The following RBM25 variants were observed in gnomAD, a reference collection of about 807,000 sequenced individuals.
RBM25 encodes RNA binding motif protein 25.
A neutral mutation model predicts 120.7 loss-of-function variants in RBM25; 19 were observed. The observed-to-expected ratio is 0.16, with a 90% CI of 0.11 to 0.23. RBM25 has a LOEUF of 0.23. RBM25 is among the 10% of genes least tolerant of loss of function. The pLI, the probability that RBM25 is intolerant of heterozygous loss-of-function variation, is 1.00. For missense variants in RBM25, 605 were observed against 1,041.5 expected (o/e 0.58, Z 5.77); for synonymous variants, 390 against 326.7 (o/e 1.19, Z -2.09).
chr14:73,072,584 A>G (rs1438271675), intron 2 of RBM25, among the ~76,000 whole-genome samples: 1 of 152,104 alleles, frequency 6.6e-6, no homozygotes, highest in East Asian at 1.9e-4. Context: ...TAACAAGTTC[A>G]CAGGTAATTT....
At chr14:73,112,026 C>T in intron 16 of RBM25, 126 bp from the exon 17 acceptor site, 2 of 1,060,596 alleles carry the variant, frequency 1.9e-6, no homozygotes, top group South Asian at 1.5e-5. Context: ...TATCTTGATA[C>T]ATATCTGTCT....
intron 12 of RBM25, chr14:73,107,500 C>A: frequency 4.1e-6 from 1 of 243,710 alleles, no homozygotes; most frequent in Non-Finnish European, 7.9e-6. Context: ...ACAGATAGCT[C>A]CAACTTAAAT....
intron 14 of RBM25, among the ~76,000 whole-genome samples, 174 bp downstream of exon 14, chr14:73,109,666 G>C (rs977748692): frequency 6.6e-6 from 1 of 152,172 alleles, no homozygotes; most frequent in African/African-American, 2.4e-5. Context: ...AGTGGTGGGC[G>C]CCTGTAGTCC....
At chr14:73,106,548 TTTA>T (rs1321046768) in intron 12 of RBM25, among the ~76,000 whole-genome samples, 14 of 152,290 alleles carry the variant, frequency 9.2e-5, no homozygotes, top group Non-Finnish European at 8.8e-5. Context: ...AAGTCAAGAA[TTTA>T]TTAACTTATT....
At chr14:73,072,033 C>T (rs1035558231) in intron 2 of RBM25, among the ~76,000 whole-genome samples, 3 of 151,474 alleles carry the variant, frequency 2.0e-5, no homozygotes, top group Non-Finnish European at 4.4e-5. Flanking sequence ...AGTGCAGTGG[C>T]ACGATCTCCG....
At chr14:73,111,211 T>C in intron 15 of RBM25, 56 bp downstream of exon 15, 2 of 1,397,914 alleles carry the variant, frequency 1.4e-6, no homozygotes, top group Non-Finnish European at 9.8e-7. Flanking sequence ...TGCAAATACC[T>C]GTATTGTGCT....
chr14:73,070,673 G>A (rs1895264880), intron 1 of RBM25, among the ~76,000 whole-genome samples: 1 of 152,090 alleles, frequency 6.6e-6, no homozygotes, highest in Non-Finnish European at 1.5e-5. Flanking sequence ...AATGGGCCGG[G>A]CGCGGTGGCT....
intron 1 of RBM25, among the ~76,000 whole-genome samples, chr14:73,065,722 G>A (rs1053032196): frequency 1.3e-5 from 2 of 151,398 alleles, no homozygotes; most frequent in South Asian, 2.1e-4. Flanking sequence ...CCAGCCCAGT[G>A]TTTATATTTT....
Position 73,076,502 on chromosome 14 carries a change from G to A in RBM25, c.156+134G>A, listed in dbSNP as rs1034769225. On this transcript the variant is annotated intron_variant, in intron 3 of 18. Transcript: ENST00000261973. ...GACAGAATGACAGCACCCCTGTAGA[G>A]CATATCATTTATTTGAATAAGTATC... The A allele has an allele frequency of 1.6e-5, 12 of 749,090 alleles. No homozygotes were observed. The East Asian group carries it at 1.7e-4, about 10-fold the overall frequency. The allele number at this position is 749,090 out of a possible 1,614,324, so 46.4% of individuals were successfully genotyped here.
intron 4 of RBM25, among the ~76,000 whole-genome samples, chr14:73,078,045 G>T (rs1222539627): frequency 1.3e-5 from 2 of 152,132 alleles, no homozygotes; most frequent in East Asian, 1.9e-4. Flanking sequence ...GCTCATGCCT[G>T]TAATCCCAGC....
chr14:73,102,295 G>A (rs1366323757), intron 9 of RBM25: 1 of 152,042 alleles, frequency 6.6e-6, no homozygotes, highest in Non-Finnish European at 1.5e-5. Flanking sequence ...ATCTTGTCAG[G>A]GTACAAACTT....
intron 10 of RBM25, among the ~76,000 whole-genome samples, chr14:73,105,266 C>T (rs1298295776): frequency 6.6e-6 from 1 of 151,858 alleles, no homozygotes; most frequent in Non-Finnish European, 1.5e-5. Context: ...TGCCACCATG[C>T]CTCCTGGCCT....
chr14:73,119,775 A>G lies in RBM25; in HGVS notation c.2502A>G (p.Thr834=). The G allele has an allele frequency of 6.2e-7, 1 of 1,609,474 alleles. No individual in the cohort carries two copies. The highest frequency in any genetic ancestry group is 8.5e-7 in the Non-Finnish European group (1 of 1,178,958). Reference sequence around the variant, plus strand: ...TGTGGAGATTATTGATATATGAAACAGAAGCCAAGAAAATTGGTCTTGTGA... The same window carrying G: ...TGTGGAGATTATTGATATATGAAACGGAAGCCAAGAAAATTGGTCTTGTGA... ...VKMWRLLIYE[T]EAKKIGLVK is the part of the protein sequence containing the mutation. The change falls in exon 19 of 19, where the codon ACA becomes ACG. Residue 834 remains threonine (T), a synonymous_variant. Transcript: ENST00000261973.
chr14:73,064,582 AC>A (rs1895081634), intron 1 of RBM25, among the ~76,000 whole-genome samples: 1 of 150,880 alleles, frequency 6.6e-6, no homozygotes, highest in Admixed American at 6.6e-5. Context: ...TTTAATAGAG[AC>A]GGGCTTTCAC....
chr14:73,062,921 A>G (rs1381173583), intron 1 of RBM25, among the ~76,000 whole-genome samples: 1 of 145,182 alleles, frequency 6.9e-6, no homozygotes, highest in East Asian at 2.1e-4. Flanking sequence ...CCCGGGCTCA[A>G]GCGATTCTCC....
chr14:73,117,446 G>T lies in RBM25; in HGVS notation c.2440-2267G>T, dbSNP rs1594939852. The stretch of plus-strand genomic sequence containing the variant: ...GGGTTTCACCATGTTGGCCCGGCTG[G>T]TCTCAAACTCCTGACCTCAGGTGAT... On this transcript the variant is annotated intron_variant, in intron 18 of 18. Coordinates refer to ENST00000261973, the MANE Select transcript of RBM25 (RefSeq NM_021239.3). Among the ~76,000 whole-genome samples, 3 of 151,950 alleles carry T rather than the reference G, an allele frequency of 2.0e-5. No homozygotes were observed. The South Asian group carries it at 6.2e-4, about 32-fold the overall frequency.
intron 18 of RBM25, among the ~76,000 whole-genome samples, chr14:73,117,210 CTTTTTTTTTTTTTTTTT>C (rs71112704): frequency 2.8e-4 from 14 of 49,424 alleles, no homozygotes; most frequent in East Asian, 5.1e-4. Context: ...TTCTTCTTTT[CTTTTTTTTTTTTTTTTT>C]TTTTTTTTTT....
intron 6 of RBM25, among the ~76,000 whole-genome samples, chr14:73,093,581 A>G (rs1446501123): frequency 1.3e-5 from 2 of 151,968 alleles, no homozygotes; most frequent in Admixed American, 6.6e-5. Flanking sequence ...ATCTCGGCTC[A>G]CTGCAACCTC....
At chr14:73,109,789 C>T (rs1461902935) in intron 14 of RBM25, among the ~76,000 whole-genome samples, 1 of 152,138 alleles carries the variant, frequency 6.6e-6, no homozygotes, top group Non-Finnish European at 1.5e-5. Context: ...CCCCTGACTC[C>T]TGGGTTCAAG....
Sources: gnomAD v4.1 joint callset for allele counts (sites outside exome capture counted in the v4.1 genomes callset) on GRCh38, gnomAD v4.1.1 for gene constraint, MANE v1.5 for transcripts, NCBI Gene and HGNC (gene_info 2026-07-23, HGNC 2026-07-21) for gene names.